SLIT2: variants seen among roughly 807,000 people sequenced by gnomAD.
The protein encoded by SLIT2 is slit homolog 2 protein.
In SLIT2, 41 loss-of-function variants were observed where a neutral mutation model predicts 185.7. The ratio of observed to expected loss-of-function variants is 0.22; its 90% confidence interval spans 0.17 to 0.29. The LOEUF (loss-of-function observed/expected upper bound fraction) is 0.29, where lower values mean the gene tolerates loss of function less well. Ranked by LOEUF, SLIT2 falls within the 10% of genes least tolerant of loss-of-function variation. The probability of loss-of-function intolerance (pLI) is 1.00; values close to 1 mark genes in which losing one functional copy is unlikely to be tolerated. For synonymous variants in SLIT2, 693 were observed against 680.2 expected, an observed-to-expected ratio of 1.02 and a Z score of -0.29; for missense variants, 1,571 against 1,909.0, an observed-to-expected ratio of 0.82 and a Z score of 3.30.
intron 29 of SLIT2, chr4:20,573,133 C>T: frequency 2.9e-6 from 2 of 690,878 alleles, no homozygotes; most frequent in Non-Finnish European, 5.3e-6. Flanking sequence ...CTCGCCCACC[C>T]CTGCTTCTCT....
Position 20,388,554 on chromosome 4 carries a change from A to AT in SLIT2, c.396-79198_396-79197insT, listed in dbSNP as rs543285874. 5.7e-4 allele frequency among the ~76,000 whole-genome samples: 87 copies of AT among 152,066 alleles called. No individual in the cohort carries two copies. In the South Asian group the frequency reaches 0.015, roughly 25 times the overall value. ...TTTGGGAGGCCGAGGCATGTGGATC[A>AT]CCTGAGGTCAGGAGCTTGAGGCCAG... On this transcript the variant is annotated intron_variant, in intron 4 of 36. Transcript: ENST00000504154.
intron 4 of SLIT2, among the ~76,000 whole-genome samples, chr4:20,286,163 A>G (rs1482654423): frequency 6.6e-6 from 1 of 152,174 alleles, no homozygotes; most frequent in Non-Finnish European, 1.5e-5. Flanking sequence ...AGGGTCTTTT[A>G]ATTAAATAAA....
At chr4:20,396,365 G>C (rs1428413820) in intron 4 of SLIT2, among the ~76,000 whole-genome samples, 1 of 151,772 alleles carries the variant, frequency 6.6e-6, no homozygotes, top group African/African-American at 2.4e-5. Flanking sequence ...TTAATGTTCA[G>C]ATATTTTTCT....
chr4:20,306,524 A>G (rs1379283893), intron 4 of SLIT2, among the ~76,000 whole-genome samples: 2 of 152,156 alleles, frequency 1.3e-5, no homozygotes, highest in African/African-American at 4.8e-5. Context: ...GAGGGACTCA[A>G]ATTAGGAAGC....
chr4:20,504,852 C>G (rs1719057113), intron 9 of SLIT2, among the ~76,000 whole-genome samples: 1 of 151,950 alleles, frequency 6.6e-6, no homozygotes, highest in African/African-American at 2.4e-5. Context: ...TTGAGAGAGA[C>G]CACATTCACA....
chr4:20,532,103 T>G (rs1178211862), intron 17 of SLIT2, 45 bp downstream of exon 17: 7 of 1,140,208 alleles, frequency 6.1e-6, no homozygotes, highest in South Asian at 1.4e-5. Flanking sequence ...TAGCATTTTT[T>G]GGGTGTTCAT....
intron 4 of SLIT2, among the ~76,000 whole-genome samples, chr4:20,310,234 T>A (rs900057036): frequency 1.3e-5 from 2 of 152,208 alleles, no homozygotes; most frequent in Admixed American, 6.5e-5. Context: ...TTCAGGTTTT[T>A]AACTTCCACC....
chr4:20,540,373 G>A (rs977417506), intron 19 of SLIT2, among the ~76,000 whole-genome samples: 10 of 151,910 alleles, frequency 6.6e-5, no homozygotes, highest in African/African-American at 2.2e-4. Context: ...TTACTAGAGG[G>A]GGTCTACTAT....
At chr4:20,504,217 C>G (rs569674838) in intron 9 of SLIT2, among the ~76,000 whole-genome samples, 1 of 152,192 alleles carries the variant, frequency 6.6e-6, no homozygotes, top group Non-Finnish European at 1.5e-5. Flanking sequence ...CCAATCTTAC[C>G]TATGAGGAGA....
Position 20,547,571 on chromosome 4 carries a change from A to G in SLIT2, c.2346-917A>G, listed in dbSNP as rs549422338. On this transcript the variant is annotated intron_variant, in intron 22 of 36. Transcript: ENST00000504154. ...ATTTTACTGACATTTTGATATTTTA[A>G]TAAAGGAATAGATTATCCTCGGTTT... Among the ~76,000 whole-genome samples, 4 of 152,162 alleles carry G rather than the reference A, an allele frequency of 2.6e-5. 1 individual carries two copies. In the South Asian group the frequency reaches 8.3e-4, roughly 32 times the overall value.
At position 20,387,482 on chromosome 4, in the gene SLIT2, A is replaced by T. The variant is rs149152985; in HGVS notation, c.396-80270A>T. Among the ~76,000 whole-genome samples the T allele has an allele frequency of 9.7e-3, 1,480 of 152,242 alleles. 21 individuals carry two copies. The highest frequency in any genetic ancestry group is 0.08 in the East Asian group (412 of 5,172). On this transcript the variant is annotated intron_variant, in intron 4 of 36. Transcript: ENST00000504154. ...TTTTAACTCAAAAGAAGACAGCTAGATTTTCGTATCAGCTTCTGCATTCAA... is the reference window on the plus strand; with the variant it reads ...TTTTAACTCAAAAGAAGACAGCTAGTTTTTCGTATCAGCTTCTGCATTCAA...
chr4:20,478,872 T>C (rs998734663), intron 5 of SLIT2, among the ~76,000 whole-genome samples: 1 of 152,180 alleles, frequency 6.6e-6, no homozygotes, highest in Non-Finnish European at 1.5e-5. Context: ...GTTAAATGAA[T>C]TTAATCTGTA....
chr4:20,449,372 T>C (rs1341140590), intron 4 of SLIT2, among the ~76,000 whole-genome samples: 1 of 152,198 alleles, frequency 6.6e-6, no homozygotes, highest in Non-Finnish European at 1.5e-5. Context: ...TATTCCATTG[T>C]TGTTTAATTG....
At chr4:20,290,012 G>T (rs1168131274) in intron 4 of SLIT2, among the ~76,000 whole-genome samples, 3 of 152,170 alleles carry the variant, frequency 2.0e-5, no homozygotes, top group Non-Finnish European at 4.4e-5. Context: ...ACCGCCACAG[G>T]GTCTTTGCAC....
At chr4:20,540,472 C>T (rs879857245) in intron 19 of SLIT2, among the ~76,000 whole-genome samples, 3 of 151,480 alleles carry the variant, frequency 2.0e-5, no homozygotes, top group Non-Finnish European at 2.9e-5. Flanking sequence ...TATTTGTAGG[C>T]CTATAGACAG....
chr4:20,615,437 T>C (rs1729578004), intron 34 of SLIT2: 1 of 152,138 alleles, frequency 6.6e-6, no homozygotes, highest in Non-Finnish European at 1.5e-5. Flanking sequence ...TCCTACAGGA[T>C]CAGAACCTCA....
At chr4:20,294,616 TTTTG>T (rs1469135830) in intron 4 of SLIT2, among the ~76,000 whole-genome samples, 2 of 152,200 alleles carry the variant, frequency 1.3e-5, no homozygotes, top group African/African-American at 4.8e-5. Flanking sequence ...GAAATTCACA[TTTTG>T]TTTGTCTGAC....
At chr4:20,599,267 A>G (rs1174034763) in intron 33 of SLIT2, among the ~76,000 whole-genome samples, 2 of 151,772 alleles carry the variant, frequency 1.3e-5, no homozygotes, top group African/African-American at 2.4e-5. Flanking sequence ...TCCTTATTGC[A>G]TAAGACTAAC....
rs1721981197 is a variant in SLIT2 at position 20,533,429 on chromosome 4, G to A, written c.1689-143G>A. 4 of 636,342 alleles carry A rather than the reference G, an allele frequency of 6.3e-6. No homozygotes were observed. In the Admixed American group the frequency reaches 8.7e-5, roughly 14 times the overall value. 39.4% of individuals were successfully genotyped at this position (636,342 alleles called of 1,614,324 possible). A position where few individuals can be genotyped will look rare whatever the true frequency, so the allele number is the denominator to read the frequency against. On this transcript the variant is annotated intron_variant, in intron 17 of 36. Coordinates refer to ENST00000504154, the MANE Select transcript of SLIT2 (RefSeq NM_004787.4). ...CCCTTTGTCTTGATGGTGTAAGGAAGTGGAATCTTTTCAGAGCCCTGGCAG... is the reference window on the plus strand; with the variant it reads ...CCCTTTGTCTTGATGGTGTAAGGAAATGGAATCTTTTCAGAGCCCTGGCAG...
Sources: gnomAD v4.1 joint callset for allele counts (sites outside exome capture counted in the v4.1 genomes callset) on GRCh38, gnomAD v4.1.1 for gene constraint, MANE v1.5 for transcripts, NCBI Gene and HGNC (gene_info 2026-07-23, HGNC 2026-07-21) for gene names.